Variants in KCNT2 observed in about 807,000 individuals in gnomAD.
KCNT2 encodes potassium channel subfamily T member 2.
KCNT2 carries 67 observed loss-of-function variants against 153.8 expected under a neutral mutation model. That is an observed-to-expected ratio of 0.44 (90% CI 0.36 to 0.53). The LOEUF (loss-of-function observed/expected upper bound fraction) is 0.53. Among genes scored for constraint, KCNT2 ranks in the 20% least tolerant of loss-of-function variants. KCNT2 has a pLI of 0.00. For missense variants in KCNT2, 975 were observed against 1,354.8 expected (o/e 0.72, Z 4.40); for synonymous variants, 500 against 458.8 (o/e 1.09, Z -1.15).
chr1:196,306,058 T>G (rs1349644928), intron 21 of KCNT2, among the ~76,000 whole-genome samples: 1 of 152,100 alleles, frequency 6.6e-6, no homozygotes, highest in African/African-American at 2.4e-5. Context: ...GGCAGGATGA[T>G]ACCACAATAA....
chr1:196,469,826 G>A (rs187089292), intron 5 of KCNT2, among the ~76,000 whole-genome samples: 14 of 152,218 alleles, frequency 9.2e-5, no homozygotes, highest in South Asian at 2.1e-4. Context: ...ACGATAATGA[G>A]CACAGACTTT....
intron 22 of KCNT2, among the ~76,000 whole-genome samples, chr1:196,295,238 T>C (rs561890390): frequency 6.1e-4 from 92 of 151,912 alleles, no homozygotes; most frequent in African/African-American, 2.1e-3. Flanking sequence ...GAATAAAACA[T>C]TTGTACTTTT....
chr1:196,379,562 A>AATTT (rs1192000266), intron 13 of KCNT2, among the ~76,000 whole-genome samples: 1 of 100,030 alleles, frequency 1.0e-5, no homozygotes, highest in Non-Finnish European at 2.0e-5. Context: ...ATACAGTGAG[A>AATTT]CTTTCTCTCT....
intron 27 of KCNT2, among the ~76,000 whole-genome samples, chr1:196,231,862 AAAAT>A: frequency 6.6e-6 from 1 of 152,036 alleles, no homozygotes; most frequent in Admixed American, 6.6e-5. Flanking sequence ...AGGAGAGAAG[AAAAT>A]AAATATATGC....
intron 1 of KCNT2, among the ~76,000 whole-genome samples, chr1:196,586,799 T>C (rs1290078185): frequency 6.6e-6 from 1 of 152,126 alleles, no homozygotes; most frequent in Non-Finnish European, 1.5e-5. Flanking sequence ...TATATATTCT[T>C]CGTGTTCCTC....
At chr1:196,325,779 T>C (rs975056297) in intron 19 of KCNT2, among the ~76,000 whole-genome samples, 13 of 152,118 alleles carry the variant, frequency 8.5e-5, no homozygotes, top group African/African-American at 3.1e-4. Context: ...ATTTTTGGAG[T>C]TGATTATTCT....
chr1:196,471,215 C>A (rs1326606692), intron 5 of KCNT2, among the ~76,000 whole-genome samples: 1 of 151,848 alleles, frequency 6.6e-6, no homozygotes, highest in African/African-American at 2.4e-5. Flanking sequence ...CCCCTAATTT[C>A]TTAAATACTA....
intron 5 of KCNT2, among the ~76,000 whole-genome samples, chr1:196,477,946 A>T (rs2148693805): frequency 6.6e-6 from 1 of 152,320 alleles, no homozygotes; most frequent in Non-Finnish European, 1.5e-5. Flanking sequence ...CCAGATTCTC[A>T]TTCTCAATTG....
At chr1:196,373,355 T>G in intron 13 of KCNT2, 107 bp from the exon 14 acceptor site, 2 of 625,038 alleles carry the variant, frequency 3.2e-6, no homozygotes, top group South Asian at 3.9e-5. Flanking sequence ...AATATAAACA[T>G]ACTTGTTTTA....
chr1:196,554,230 C>A (rs188354679), intron 1 of KCNT2, among the ~76,000 whole-genome samples: 1 of 150,894 alleles, frequency 6.6e-6, no homozygotes, highest in African/African-American at 2.4e-5. Context: ...ACATTGGTTT[C>A]TTGAAAAAAT....
At chr1:196,390,999 A>T (rs149225644) in intron 13 of KCNT2, among the ~76,000 whole-genome samples, 2 of 149,764 alleles carry the variant, frequency 1.3e-5, no homozygotes, top group Non-Finnish European at 3.0e-5. Flanking sequence ...TTAACTATCT[A>T]TTGTAGGTGT....
intron 1 of KCNT2, among the ~76,000 whole-genome samples, chr1:196,547,148 G>A (rs979640110): frequency 3.3e-5 from 5 of 151,904 alleles, no homozygotes; most frequent in African/African-American, 7.2e-5. Flanking sequence ...ACTTCCTTGT[G>A]GAGAGAATAA....
At chr1:196,580,156 A>G (rs58257510) in intron 1 of KCNT2, among the ~76,000 whole-genome samples, 19,322 of 152,184 alleles carry the variant, frequency 0.13, 3,850 homozygotes, top group African/African-American at 0.43. Flanking sequence ...TAGGACACTC[A>G]AGTAAAGAAA....
At chr1:196,586,006 C>A (rs1229633891) in intron 1 of KCNT2, among the ~76,000 whole-genome samples, 3 of 152,094 alleles carry the variant, frequency 2.0e-5, no homozygotes, top group African/African-American at 4.8e-5. Flanking sequence ...AATCCCAGAA[C>A]TTTGGGAGGC....
At position 196,326,598 on chromosome 1, in the gene KCNT2, G is replaced by GTACCATAAT. The variant is rs200522256; in HGVS notation, c.2276+110_2276+118dup. On this transcript the variant is annotated intron_variant, in intron 19 of 27. Transcript: ENST00000294725. The stretch of plus-strand genomic sequence containing the variant: ...CAGAATATATCTCCCAATGAATCAT[G>GTACCATAAT]TACCATAATGTATCTGATTTAAAAT... 4,085 of 520,110 alleles carry GTACCATAAT rather than the reference G, an allele frequency of 7.9e-3. 134 individuals carry two copies. The highest frequency in any genetic ancestry group is 0.073 in the African/African-American group (3,620 of 49,658). 32.2% of individuals were successfully genotyped at this position (520,110 alleles called of 1,614,324 possible). A position where few individuals can be genotyped will look rare whatever the true frequency, so the allele number is the denominator to read the frequency against.
chr1:196,258,401 T>C lies in KCNT2; in HGVS notation c.3004A>G (p.Ser1002Gly), dbSNP rs1266476747. ...AGCAAGGGATGGTCCGACTGATCAC[T>C]GGATGTTGAGTTGCGGTGGTTGCTG... ...HRSNHRNSTS[S>G]DQSDHPLLRR... The change falls in exon 26 of 28, where the codon AGT (serine) becomes GGT (glycine). Residue 1002 changes from serine to glycine, a missense_variant. By Grantham distance (56) the Ser-to-Gly change is moderately conservative (BLOSUM62 0). Coordinates refer to ENST00000294725, the MANE Select transcript of KCNT2 (RefSeq NM_198503.5). 2 of 1,613,940 alleles carry C rather than the reference T, an allele frequency of 1.2e-6. No homozygotes were observed. The highest frequency in any genetic ancestry group is 2.7e-5 in the African/African-American group (2 of 74,896).
intron 27 of KCNT2, among the ~76,000 whole-genome samples, chr1:196,232,543 T>G (rs1162098652): frequency 2.0e-5 from 3 of 151,672 alleles, no homozygotes; most frequent in Admixed American, 1.3e-4. Context: ...GAAATTTAAT[T>G]ATCTCAATGC....
At chr1:196,540,427 C>G (rs988601054) in intron 1 of KCNT2, among the ~76,000 whole-genome samples, 2 of 152,178 alleles carry the variant, frequency 1.3e-5, no homozygotes, top group Non-Finnish European at 2.9e-5. Context: ...CAATCCAATT[C>G]TCCTCAAAAG....
At chr1:196,236,842 C>T (rs1654485424) in intron 26 of KCNT2, among the ~76,000 whole-genome samples, 1 of 151,430 alleles carries the variant, frequency 6.6e-6, no homozygotes, top group Non-Finnish European at 1.5e-5. Flanking sequence ...TTTGTGGTCT[C>T]AATTTTTTAG....
Sources: gnomAD v4.1 joint callset for allele counts (sites outside exome capture counted in the v4.1 genomes callset) on GRCh38, gnomAD v4.1.1 for gene constraint, MANE v1.5 for transcripts, NCBI Gene and HGNC (gene_info 2026-07-23, HGNC 2026-07-21) for gene names.